The following SLC25A21 variants were observed in gnomAD, a reference collection of about 807,000 sequenced individuals.
The protein encoded by SLC25A21 is solute carrier family 25 member 21.
In SLC25A21, 47 loss-of-function variants were observed where a neutral mutation model predicts 43.8. The observed-to-expected ratio is 1.07, with a 90% CI of 0.85 to 1.37. The LOEUF (loss-of-function observed/expected upper bound fraction) is 1.37, where lower values mean the gene tolerates loss of function less well. Among genes scored for constraint, SLC25A21 ranks in the 40% most tolerant of loss-of-function variants. SLC25A21 has a pLI of 0.00. For synonymous variants in SLC25A21, 131 were observed against 121.3 expected, an observed-to-expected ratio of 1.08 and a Z score of -0.52; for missense variants, 352 against 350.2, an observed-to-expected ratio of 1.00 and a Z score of -0.04.
intron 1 of SLC25A21, among the ~76,000 whole-genome samples, chr14:36,952,607 G>A (rs757770996): frequency 2.6e-4 from 39 of 152,050 alleles, no homozygotes; most frequent in Admixed American, 1.5e-3. Context: ...ACTGTAGACC[G>A]AATAAGTCTA....
chr14:36,899,792 A>C (rs1891351306), intron 1 of SLC25A21, among the ~76,000 whole-genome samples: 1 of 152,316 alleles, frequency 6.6e-6, no homozygotes, highest in African/African-American at 2.4e-5. Flanking sequence ...CATTTATTTC[A>C]GGCAACTTGA....
chr14:37,000,503 T>C (rs189553936), intron 1 of SLC25A21, among the ~76,000 whole-genome samples: 34 of 152,294 alleles, frequency 2.2e-4, no homozygotes, highest in Non-Finnish European at 4.3e-4. Flanking sequence ...TGTCCTCTGA[T>C]ACATCCATTG....
At chr14:37,055,449 A>C (rs1397885206) in intron 1 of SLC25A21, among the ~76,000 whole-genome samples, 1 of 152,168 alleles carries the variant, frequency 6.6e-6, no homozygotes, top group Non-Finnish European at 1.5e-5. Context: ...CTTTCCCTTG[A>C]ATCTAGGCTG....
intron 1 of SLC25A21, among the ~76,000 whole-genome samples, chr14:36,888,147 C>T (rs75377432): frequency 6.6e-6 from 1 of 152,268 alleles, no homozygotes; most frequent in South Asian, 2.1e-4. Context: ...CTGCCCAAAT[C>T]TGACCATAAA....
chr14:36,855,472 A>C (rs775013298), intron 2 of SLC25A21, among the ~76,000 whole-genome samples: 1 of 152,144 alleles, frequency 6.6e-6, no homozygotes, highest in Non-Finnish European at 1.5e-5. Context: ...TTACAACAAT[A>C]CACCTTCCTC....
intron 1 of SLC25A21, among the ~76,000 whole-genome samples, chr14:37,012,635 T>C (rs904639643): frequency 2.0e-5 from 3 of 152,210 alleles, no homozygotes; most frequent in African/African-American, 7.2e-5. Flanking sequence ...ATTTCATGAT[T>C]CCATCATTTA....
intron 1 of SLC25A21, among the ~76,000 whole-genome samples, chr14:36,930,392 G>A (rs891473320): frequency 8.5e-5 from 13 of 152,236 alleles, no homozygotes; most frequent in African/African-American, 3.1e-4. Context: ...GCTAAAATCA[G>A]TAATCTGGGA....
intron 3 of SLC25A21, among the ~76,000 whole-genome samples, chr14:36,777,542 C>G (rs1023990468): frequency 1.3e-5 from 2 of 151,988 alleles, no homozygotes; most frequent in African/African-American, 4.8e-5. Context: ...CTTATAGAAG[C>G]CAAAAAATGA....
chr14:37,159,073 G>T (rs1234138991), intron 1 of SLC25A21, among the ~76,000 whole-genome samples: 1 of 151,956 alleles, frequency 6.6e-6, no homozygotes, highest in East Asian at 1.9e-4. Flanking sequence ...CACTGTAAAA[G>T]AAATTAAAGA....
chr14:36,884,566 A>G (rs1890859489), intron 1 of SLC25A21, among the ~76,000 whole-genome samples: 1 of 152,156 alleles, frequency 6.6e-6, no homozygotes, highest in Non-Finnish European at 1.5e-5. Flanking sequence ...GTGTTCCATA[A>G]TGGCTATACT....
chr14:36,804,396 C>A (rs12894574), intron 3 of SLC25A21, among the ~76,000 whole-genome samples: 7,958 of 152,214 alleles, frequency 0.052, 281 homozygotes, highest in Non-Finnish European at 0.077. Flanking sequence ...CTGGATGAAT[C>A]CCAGCCCCAA....
chr14:36,948,869 C>A (rs1302740932), intron 1 of SLC25A21, among the ~76,000 whole-genome samples: 1 of 152,060 alleles, frequency 6.6e-6, no homozygotes, highest in African/African-American at 2.4e-5. Context: ...ATAAATTCCA[C>A]CTGTTTCTAC....
rs1594478528 is a variant in SLC25A21 at position 36,679,126 on chromosome 14, A to ATAT, written c.*1529_*1531dup. ...GGCAGCGCTCTCATTGGATGTAAGA[A>ATAT]TATTACCTGCAAGGATAGAATGCAG... On this transcript the variant is annotated 3_prime_UTR_variant, in exon 10 of 10. Transcript: ENST00000331299. The ATAT allele has an allele frequency of 1.2e-5, 12 of 985,430 alleles. No individual in the cohort carries two copies. The highest frequency in any genetic ancestry group is 1.4e-5 in the Non-Finnish European group (12 of 829,924). 61.0% of individuals were successfully genotyped at this position (985,430 alleles called of 1,614,324 possible). A position where few individuals can be genotyped will look rare whatever the true frequency, so the allele number is the denominator to read the frequency against.
chr14:36,924,352 A>C (rs954054820), intron 1 of SLC25A21, among the ~76,000 whole-genome samples: 5 of 152,228 alleles, frequency 3.3e-5, no homozygotes, highest in African/African-American at 9.6e-5. Context: ...AGCCATAAAA[A>C]ATGATGAGTT....
rs560336506 is a variant in SLC25A21 at position 36,710,639 on chromosome 14, G to T, written c.603+679C>A. Among the ~76,000 whole-genome samples the T allele has an allele frequency of 2.0e-5, 3 of 152,140 alleles. 1 individual carries two copies. Among genetic ancestry groups the T allele is most frequent in the Admixed American group, 6.5e-5 (1 of 15,278 alleles). ...GAGAGAGGTCCCATTGTGTTGCCCAGGCTGGTTTCAAAACTCCTGGCATCA... is the reference window on the plus strand; with the variant it reads ...GAGAGAGGTCCCATTGTGTTGCCCATGCTGGTTTCAAAACTCCTGGCATCA... On this transcript the variant is annotated intron_variant, in intron 7 of 9. Transcript: ENST00000331299.
intron 1 of SLC25A21, among the ~76,000 whole-genome samples, chr14:37,000,868 G>C (rs1594746184): frequency 6.6e-6 from 1 of 152,110 alleles, no homozygotes; most frequent in Non-Finnish European, 1.5e-5. Flanking sequence ...AGCCATGATT[G>C]TAAGTTTCCT....
intron 1 of SLC25A21, among the ~76,000 whole-genome samples, chr14:36,896,284 C>A (rs958323103): frequency 6.6e-6 from 1 of 152,148 alleles, no homozygotes; most frequent in Non-Finnish European, 1.5e-5. Context: ...GATCCCTTTA[C>A]CATTATGTAA....
At chr14:37,053,963 A>C (rs1465145035) in intron 1 of SLC25A21, among the ~76,000 whole-genome samples, 1 of 152,240 alleles carries the variant, frequency 6.6e-6, no homozygotes, top group Non-Finnish European at 1.5e-5. Context: ...TGGTAGACTA[A>C]AAATGGCCAC....
chr14:36,856,017 A>C (rs1311119246), intron 2 of SLC25A21, among the ~76,000 whole-genome samples: 1 of 152,148 alleles, frequency 6.6e-6, no homozygotes, highest in Non-Finnish European at 1.5e-5. Context: ...GGGCCTTGCA[A>C]CAAAGAATTA....
Sources: allele counts gnomAD v4.1 joint callset (sites outside exome capture counted in the v4.1 genomes callset), GRCh38; gene constraint gnomAD v4.1.1; transcripts MANE v1.5; gene names NCBI Gene and HGNC (gene_info 2026-07-23, HGNC 2026-07-21).